The following TNR variants were observed in gnomAD, a reference collection of about 807,000 sequenced individuals.
The protein encoded by TNR is tenascin-R.
Under a neutral mutation model 150.4 loss-of-function variants are expected in TNR, and 45 were observed. The observed-to-expected ratio is 0.30, with a 90% CI of 0.24 to 0.38. The LOEUF is 0.38. TNR is among the 10% of genes least tolerant of loss of function. The pLI is 1.00. For missense variants in TNR, 1,544 were observed against 1,759.1 expected (o/e 0.88, Z 2.19); for synonymous variants, 687 against 678.4 (o/e 1.01, Z -0.20).
intron 1 of TNR, among the ~76,000 whole-genome samples, chr1:175,650,305 C>T (rs1392116003): frequency 1.3e-5 from 2 of 152,066 alleles, no homozygotes; most frequent in Non-Finnish European, 2.9e-5. Flanking sequence ...ATCTCTTGAA[C>T]CCGGGAGGCG....
At chr1:175,738,656 G>A (rs1363196391) in intron 1 of TNR, among the ~76,000 whole-genome samples, 2 of 152,086 alleles carry the variant, frequency 1.3e-5, no homozygotes, top group Non-Finnish European at 2.9e-5. Flanking sequence ...AAAAAGGAGG[G>A]AAAGAGAAAA....
intron 1 of TNR, among the ~76,000 whole-genome samples, chr1:175,574,072 G>A (rs1240041238): frequency 1.3e-5 from 2 of 152,134 alleles, no homozygotes; most frequent in Non-Finnish European, 2.9e-5. Flanking sequence ...GAGAGGTGGT[G>A]GGAGTGGGCG....
intron 2 of TNR, among the ~76,000 whole-genome samples, chr1:175,487,556 A>G (rs1016864964): frequency 6.6e-6 from 1 of 152,114 alleles, no homozygotes. Flanking sequence ...CCCCTGGCCA[A>G]TCATCCTCCC....
intron 1 of TNR, among the ~76,000 whole-genome samples, chr1:175,574,580 T>G (rs1023385225): frequency 6.6e-6 from 1 of 151,342 alleles, no homozygotes; most frequent in Non-Finnish European, 1.5e-5. Flanking sequence ...AGTACACACT[T>G]GTACATACAC....
At chr1:175,378,409 G>GAGATTTA (rs1652513038) in intron 9 of TNR, among the ~76,000 whole-genome samples, 1 of 152,192 alleles carries the variant, frequency 6.6e-6, no homozygotes, top group South Asian at 2.1e-4. Context: ...TTTAGGTGTA[G>GAGATTTA]GGTGGAGACT....
At chr1:175,517,215 C>T (rs1659451156) in intron 2 of TNR, among the ~76,000 whole-genome samples, 1 of 152,198 alleles carries the variant, frequency 6.6e-6, no homozygotes, top group Non-Finnish European at 1.5e-5. Flanking sequence ...ACATATGCTT[C>T]AGCTCCTGTA....
intron 18 of TNR, among the ~76,000 whole-genome samples, chr1:175,353,617 C>G (rs1033201629): frequency 3.3e-5 from 5 of 152,092 alleles, no homozygotes; most frequent in African/African-American, 9.7e-5. Flanking sequence ...GGATCATAGG[C>G]CTTCCTGACC....
At chr1:175,668,756 C>A (rs1396375076) in intron 1 of TNR, among the ~76,000 whole-genome samples, 1 of 152,202 alleles carries the variant, frequency 6.6e-6, no homozygotes, top group Non-Finnish European at 1.5e-5. Flanking sequence ...AAGAAAGCAG[C>A]CTTACCTTCC....
intron 1 of TNR, among the ~76,000 whole-genome samples, chr1:175,626,905 T>C (rs1400389587): frequency 2.6e-5 from 4 of 152,014 alleles, no homozygotes; most frequent in Non-Finnish European, 5.9e-5. Context: ...AACACAGAGG[T>C]GAAGGCCATG....
At chr1:175,665,509 C>G (rs564277858) in intron 1 of TNR, among the ~76,000 whole-genome samples, 5 of 152,280 alleles carry the variant, frequency 3.3e-5, no homozygotes, top group African/African-American at 1.2e-4. Context: ...AGCCGAGGGA[C>G]AGCAAGGGAC....
intron 1 of TNR, among the ~76,000 whole-genome samples, chr1:175,563,738 T>A (rs1281925238): frequency 6.6e-6 from 1 of 152,212 alleles, no homozygotes; most frequent in Non-Finnish European, 1.5e-5. Flanking sequence ...GCTATTGGAA[T>A]GCATGAGAAA....
chr1:175,494,056 C>T (rs904059952), intron 2 of TNR, among the ~76,000 whole-genome samples: 7 of 152,170 alleles, frequency 4.6e-5, no homozygotes, highest in African/African-American at 1.7e-4. Context: ...TATCCTGCAT[C>T]CCGTTCCCAT....
chr1:175,499,344 G>C (rs1658631014), intron 2 of TNR, among the ~76,000 whole-genome samples: 1 of 152,152 alleles, frequency 6.6e-6, no homozygotes, highest in South Asian at 2.1e-4. Context: ...AGAACTCTAA[G>C]GGCTCCACTT....
chr1:175,411,477 T>C (rs1271971813), intron 2 of TNR, among the ~76,000 whole-genome samples: 2 of 151,952 alleles, frequency 1.3e-5, no homozygotes, highest in Non-Finnish European at 2.9e-5. Context: ...TATTCTCTCA[T>C]AGTTCTGGTG....
chr1:175,522,693 C>T (rs534268446), intron 2 of TNR, among the ~76,000 whole-genome samples: 1 of 152,264 alleles, frequency 6.6e-6, no homozygotes, highest in African/African-American at 2.4e-5. Context: ...GACAGAGAGG[C>T]TAACCTCAGG....
In TNR at chr1:175,523,194, C is replaced by T. The variant is rs570628672; in HGVS notation, c.-64+5075G>A. 2.3e-4 allele frequency among the ~76,000 whole-genome samples: 35 copies of T among 152,320 alleles called. No homozygotes were observed. The South Asian group carries it at 7.3e-3, about 32-fold the overall frequency. ...TGAGAATCCAGCAGCGCCTCTGTCACTTGTGTGTATTAGAGAATACTTGTT... is the reference window on the plus strand; with the variant it reads ...TGAGAATCCAGCAGCGCCTCTGTCATTTGTGTGTATTAGAGAATACTTGTT... On this transcript the variant is annotated intron_variant, in intron 2 of 22. Coordinates refer to ENST00000367674, the MANE Select transcript of TNR (RefSeq NM_003285.3).
chr1:175,492,981 C>G (rs776888106), intron 2 of TNR, among the ~76,000 whole-genome samples: 1 of 152,038 alleles, frequency 6.6e-6, no homozygotes, highest in African/African-American at 2.4e-5. Flanking sequence ...ACAGGCAATA[C>G]GAGGAGCAGG....
At chr1:175,472,481 C>A (rs749595172) in intron 2 of TNR, among the ~76,000 whole-genome samples, 2 of 152,160 alleles carry the variant, frequency 1.3e-5, no homozygotes, top group Non-Finnish European at 2.9e-5. Flanking sequence ...ATGTGTTAGA[C>A]TTTTTTATGA....
chr1:175,572,986 C>A (rs942033155), intron 1 of TNR, among the ~76,000 whole-genome samples: 9 of 152,058 alleles, frequency 5.9e-5, no homozygotes, highest in African/African-American at 2.2e-4. Flanking sequence ...ATTTTAATAG[C>A]TTAAGTTGAG....
Sources: allele counts gnomAD v4.1 joint callset (sites outside exome capture counted in the v4.1 genomes callset), GRCh38; gene constraint gnomAD v4.1.1; transcripts MANE v1.5; gene names NCBI Gene and HGNC (gene_info 2026-07-23, HGNC 2026-07-21).